RAPGEF4: variants seen among roughly 807,000 people sequenced by gnomAD.
RAPGEF4 encodes Rap guanine nucleotide exchange factor 4.
In RAPGEF4, 66 loss-of-function variants were observed where a neutral mutation model predicts 147.9. That is an observed-to-expected ratio of 0.45 (90% CI 0.37 to 0.55). The LOEUF is 0.55. Ranked by LOEUF, RAPGEF4 falls within the 20% of genes least tolerant of loss-of-function variation. The pLI is 0.00. For missense variants in RAPGEF4, 1,071 were observed against 1,257.3 expected (o/e 0.85, Z 2.24); for synonymous variants, 419 against 442.7 (o/e 0.95, Z 0.67).
At chr2:172,878,224 G>T (rs1696186798) in intron 4 of RAPGEF4, among the ~76,000 whole-genome samples, 1 of 152,124 alleles carries the variant, frequency 6.6e-6, no homozygotes, top group East Asian at 1.9e-4. Flanking sequence ...TTTCTGTGTA[G>T]GTCCTTCTGA....
intron 15 of RAPGEF4, among the ~76,000 whole-genome samples, chr2:172,993,341 G>A (rs879564187): frequency 4.6e-5 from 7 of 152,092 alleles, no homozygotes; most frequent in African/African-American, 7.2e-5. Context: ...TCCTGTTTTC[G>A]TTACTGTGTT....
At chr2:172,882,039 T>C (rs78898045) in intron 4 of RAPGEF4, among the ~76,000 whole-genome samples, 1,570 of 152,314 alleles carry the variant, frequency 0.01, 19 homozygotes, top group African/African-American at 0.035. Context: ...CATTAAAATA[T>C]ATATGTGGTG....
At chr2:172,977,967 T>G (rs905202620) in intron 10 of RAPGEF4, among the ~76,000 whole-genome samples, 13 of 152,176 alleles carry the variant, frequency 8.5e-5, no homozygotes, top group African/African-American at 3.1e-4. Context: ...GGTTTTGTTC[T>G]TGCTGTGCTT....
chr2:172,877,647 G>A (rs1236664826), intron 4 of RAPGEF4, among the ~76,000 whole-genome samples: 1 of 152,116 alleles, frequency 6.6e-6, no homozygotes, highest in Non-Finnish European at 1.5e-5. Flanking sequence ...GGCACCAGCT[G>A]TAACCCAAGT....
chr2:172,810,251 A>G (rs189182989), intron 3 of RAPGEF4, among the ~76,000 whole-genome samples: 2 of 152,352 alleles, frequency 1.3e-5, no homozygotes, highest in Non-Finnish European at 2.9e-5. Flanking sequence ...ATAAAATAGC[A>G]ATAGTACTAC....
At chr2:172,871,712 ACCAG>A (rs1273201172) in intron 4 of RAPGEF4, among the ~76,000 whole-genome samples, 1 of 151,442 alleles carries the variant, frequency 6.6e-6, no homozygotes, top group Non-Finnish European at 1.5e-5. Context: ...TAAGCAAATG[ACCAG>A]CCAAAGGAAG....
chr2:172,780,451 T>C (rs1684574956), intron 1 of RAPGEF4, among the ~76,000 whole-genome samples: 1 of 152,200 alleles, frequency 6.6e-6, no homozygotes, highest in Non-Finnish European at 1.5e-5. Context: ...TGGTATCTTC[T>C]CCAGGCTGAT....
intron 26 of RAPGEF4, among the ~76,000 whole-genome samples, chr2:173,032,093 G>C (rs1697244264): frequency 6.6e-6 from 1 of 152,134 alleles, no homozygotes; most frequent in South Asian, 2.1e-4. Flanking sequence ...AAACTGAGGG[G>C]GAAGATCAAG....
chr2:173,024,369 C>G (rs1696444239), intron 23 of RAPGEF4, among the ~76,000 whole-genome samples: 1 of 149,640 alleles, frequency 6.7e-6, no homozygotes, highest in Non-Finnish European at 1.5e-5. Context: ...AGGCGCCCGC[C>G]ACTACGCCCG....
chr2:173,022,624 G>A (rs1375868658), intron 23 of RAPGEF4, among the ~76,000 whole-genome samples: 2 of 152,202 alleles, frequency 1.3e-5, no homozygotes, highest in South Asian at 2.1e-4. Context: ...TTGGGGCTGT[G>A]CTGGCTTCTG....
At chr2:172,889,471 A>T (rs867869278) in intron 4 of RAPGEF4, among the ~76,000 whole-genome samples, 1 of 152,194 alleles carries the variant, frequency 6.6e-6, no homozygotes, top group African/African-American at 2.4e-5. Flanking sequence ...CTATCTGTTC[A>T]TAGAACTACT....
chr2:172,985,630 C>G, intron 12 of RAPGEF4, 137 bp downstream of exon 12: 13 of 1,472,062 alleles, frequency 8.8e-6, no homozygotes, highest in Non-Finnish European at 1.2e-5. Context: ...TCCTGTGGTA[C>G]TTTCGTTTTT....
At chr2:172,795,233 G>A (rs1260507387) in intron 2 of RAPGEF4, 66 bp downstream of exon 2, 9 of 1,480,032 alleles carry the variant, frequency 6.1e-6, no homozygotes, top group Non-Finnish European at 7.4e-6. Context: ...GTTACTTTAT[G>A]GAGATAAATA....
chr2:172,896,585 C>G (rs1052380003), intron 4 of RAPGEF4, among the ~76,000 whole-genome samples: 29 of 151,776 alleles, frequency 1.9e-4, no homozygotes, highest in Admixed American at 1.2e-3. Flanking sequence ...CCACCCCCCC[C>G]CAAAAAAATC....
chr2:172,745,605 ATTC>A (rs1320220259), intron 1 of RAPGEF4, among the ~76,000 whole-genome samples: 2 of 149,904 alleles, frequency 1.3e-5, no homozygotes, highest in Non-Finnish European at 3.0e-5. Context: ...GGTTTAACTT[ATTC>A]TTCTTTTTCT....
rs891841984 is a variant in RAPGEF4, at chr2:173,052,635, T to C, written c.*868T>C. 1 of 152,674 alleles carries C rather than the reference T, an allele frequency of 6.5e-6. No homozygotes were observed. Among genetic ancestry groups the C allele is most frequent in the Admixed American group, 6.5e-5 (1 of 15,280 alleles). The allele number at this position is 152,674 out of a possible 1,614,324, so 9.5% of individuals were successfully genotyped here. On this transcript the variant is annotated 3_prime_UTR_variant, in exon 31 of 31. Transcript: ENST00000397081. ...GACTTAAATGTTATTACAAATATCT[T>C]AATTTTCAGTAATTGTTTTGCACTT...
intron 3 of RAPGEF4, among the ~76,000 whole-genome samples, chr2:172,798,163 G>A (rs1317663311): frequency 2.0e-5 from 3 of 151,816 alleles, no homozygotes; most frequent in Middle Eastern, 3.4e-3. Context: ...GTACAGCACT[G>A]GCTTTATTTT....
At chr2:172,931,023 C>T (rs1297972004) in intron 6 of RAPGEF4, among the ~76,000 whole-genome samples, 2 of 152,048 alleles carry the variant, frequency 1.3e-5, no homozygotes, top group South Asian at 2.1e-4. Flanking sequence ...TCCCTAGAAG[C>T]GCATGTTTGC....
In RAPGEF4 at chr2:172,808,519, T is replaced by C. The variant is rs144475451; in HGVS notation, c.298-5760T>C. On this transcript the variant is annotated intron_variant, in intron 3 of 30. Coordinates refer to ENST00000397081, the MANE Select transcript of RAPGEF4 (RefSeq NM_007023.4). ...TAGAGATTCTCTATTATTTAAATGA[T>C]AGAAAAAAACTGCTTTGCTTTTTAG... is the stretch of plus-strand genomic sequence containing the variant. Among the ~76,000 whole-genome samples, 679 of 152,310 alleles carry C rather than the reference T, an allele frequency of 4.5e-3. 4 individuals carry two copies. Among genetic ancestry groups the C allele is most frequent in the African/African-American group, 0.016 (656 of 41,576 alleles).
Sources: allele counts gnomAD v4.1 joint callset (sites outside exome capture counted in the v4.1 genomes callset), GRCh38; gene constraint gnomAD v4.1.1; transcripts MANE v1.5; gene names NCBI Gene and HGNC (gene_info 2026-07-23, HGNC 2026-07-21).